VPS50: variants seen among roughly 807,000 people sequenced by gnomAD.
VPS50 encodes VPS50 subunit of EARP/GARPII complex, also known as syndetin.
VPS50 carries 70 observed loss-of-function variants against 139.7 expected under a neutral mutation model. That is an observed-to-expected ratio of 0.50 (90% confidence interval 0.41 to 0.61). The LOEUF (loss-of-function observed/expected upper bound fraction) is 0.61, where lower values mean the gene tolerates loss of function less well. Among genes scored for constraint, VPS50 ranks in the 20% least tolerant of loss-of-function variants. The pLI, the probability that VPS50 is intolerant of heterozygous loss-of-function variation, is 0.00. For synonymous variants in VPS50, 365 were observed against 376.7 expected (o/e 0.97, Z 0.36); for missense variants, 921 against 1,133.7 (o/e 0.81, Z 2.69).
chr7:93,260,225 G>C (rs888972845), intron 9 of VPS50, among the ~76,000 whole-genome samples: 2 of 152,062 alleles, frequency 1.3e-5, no homozygotes, highest in African/African-American at 4.8e-5. Context: ...ATAGCATTTT[G>C]GTTTGCTTAA....
At chr7:93,246,872 T>C (rs1474232004) in intron 2 of VPS50, among the ~76,000 whole-genome samples, 1 of 151,934 alleles carries the variant, frequency 6.6e-6, no homozygotes, top group Non-Finnish European at 1.5e-5. Flanking sequence ...ACTGGGAATG[T>C]ATCATAATAC....
At chr7:93,315,859 CTACTT>C (rs1489312803) in intron 20 of VPS50, among the ~76,000 whole-genome samples, 1 of 146,250 alleles carries the variant, frequency 6.8e-6, no homozygotes, top group Non-Finnish European at 1.5e-5. Flanking sequence ...TTTTGAGTCA[CTACTT>C]TGTTTCTGGC....
intron 17 of VPS50, among the ~76,000 whole-genome samples, 168 bp from the exon 18 acceptor site, chr7:93,305,660 G>A (rs1286193556): frequency 6.6e-6 from 1 of 151,824 alleles, no homozygotes. Flanking sequence ...CTTTAGATGT[G>A]TATTTCCAAG....
chr7:93,247,762 A>T (rs1339295445), intron 2 of VPS50, among the ~76,000 whole-genome samples: 1 of 152,036 alleles, frequency 6.6e-6, no homozygotes, highest in Non-Finnish European at 1.5e-5. Flanking sequence ...TTGTTAAATG[A>T]AATTTGTTTT....
At chr7:93,300,249 T>C (rs1352984511) in intron 16 of VPS50, among the ~76,000 whole-genome samples, 1 of 152,162 alleles carries the variant, frequency 6.6e-6, no homozygotes, top group Admixed American at 6.5e-5. Flanking sequence ...GGCCTGCTGA[T>C]GTCACTGGTA....
chr7:93,341,884 T>C (rs1584487268), intron 23 of VPS50, among the ~76,000 whole-genome samples: 1 of 152,232 alleles, frequency 6.6e-6, no homozygotes, highest in African/African-American at 2.4e-5. Context: ...TGATGACTTA[T>C]GATCTCAGGA....
At chr7:93,334,842 C>CT (rs1383641553) in intron 22 of VPS50, among the ~76,000 whole-genome samples, 1 of 152,108 alleles carries the variant, frequency 6.6e-6, no homozygotes, top group Admixed American at 6.5e-5. Context: ...ATGAGAAAAT[C>CT]TTTTTTTCTT....
chr7:93,304,799 C>T (rs1318694275), intron 17 of VPS50, among the ~76,000 whole-genome samples: 2 of 151,760 alleles, frequency 1.3e-5, no homozygotes, highest in Non-Finnish European at 3.0e-5. Context: ...GTTCACCTGA[C>T]ATGCATTCAT....
chr7:93,236,362 G>C (rs1794800260), intron 1 of VPS50, among the ~76,000 whole-genome samples: 2 of 152,168 alleles, frequency 1.3e-5, no homozygotes, highest in South Asian at 4.1e-4. Context: ...ACACTCTTGA[G>C]TTTTGCCGAA....
chr7:93,281,975 C>A (rs936305139), intron 12 of VPS50, among the ~76,000 whole-genome samples: 2 of 152,052 alleles, frequency 1.3e-5, no homozygotes, highest in Non-Finnish European at 2.9e-5. Context: ...GAGGCTGAGG[C>A]GGGTGGATCA....
At chr7:93,353,784 A>T (rs1798623406) in intron 26 of VPS50, 23 bp downstream of exon 26, 1 of 1,575,648 alleles carries the variant, frequency 6.3e-7, no homozygotes, top group East Asian at 2.2e-5. Context: ...TGAAAGCATT[A>T]TTTGTTTCTT....
intron 16 of VPS50, among the ~76,000 whole-genome samples, chr7:93,303,231 TA>T (rs1039440742): frequency 6.8e-4 from 104 of 152,028 alleles, no homozygotes; most frequent in African/African-American, 2.3e-3. Flanking sequence ...ATAGTAAAAA[TA>T]CTTAGTTTAG....
At chr7:93,269,931 A>C (rs1795954962) in intron 9 of VPS50, among the ~76,000 whole-genome samples, 1 of 152,066 alleles carries the variant, frequency 6.6e-6, no homozygotes, top group Non-Finnish European at 1.5e-5. Flanking sequence ...GTTTATTATC[A>C]GTAGATAGCA....
intron 22 of VPS50, among the ~76,000 whole-genome samples, chr7:93,335,272 G>C (rs1414660287): frequency 6.6e-6 from 1 of 152,208 alleles, no homozygotes; most frequent in East Asian, 1.9e-4. Flanking sequence ...TGAATAATGT[G>C]AGTGAGGCAT....
At position 93,264,283 on chromosome 7, in the gene VPS50, A is replaced by G. The variant is rs538381141; in HGVS notation, c.659+4651A>G. Among the ~76,000 whole-genome samples, 210 of 152,278 alleles carry G rather than the reference A, an allele frequency of 1.4e-3. 1 individual carries two copies. Among genetic ancestry groups the G allele is most frequent in the African/African-American group, 4.2e-3 (174 of 41,568 alleles). On this transcript the variant is annotated intron_variant, in intron 9 of 27. Coordinates refer to ENST00000305866, the MANE Select transcript of VPS50 (RefSeq NM_017667.4). ...TGAGAGAACATTTTTACATTGTTTG[A>G]TATTTCCTGAGTTGATTGACAGAGA... is the stretch of plus-strand genomic sequence containing the variant.
chr7:93,311,214 A>AAAT lies in VPS50; in HGVS notation c.1800_1802dup (p.Asn600dup). ...GCAGGAAGAAATCAGATTACAGTCTAAATAAAGTGAATGCACCTATCTTAA... is the reference window on the plus strand; with the variant it reads ...GCAGGAAGAAATCAGATTACAGTCTAAATAATAAAGTGAATGCACCTATCTTAA... On this transcript the variant is annotated inframe_insertion, in exon 20 of 28. Transcript: ENST00000305866. 7.0e-7 allele frequency: 1 copy of AAAT among 1,436,868 alleles called. No homozygotes were observed. The highest frequency in any genetic ancestry group is 9.8e-7 in the Non-Finnish European group (1 of 1,018,542). 89.0% of individuals were successfully genotyped at this position (1,436,868 alleles called of 1,614,324 possible).
At chr7:93,265,789 A>G (rs922083051) in intron 9 of VPS50, among the ~76,000 whole-genome samples, 1 of 151,662 alleles carries the variant, frequency 6.6e-6, no homozygotes, top group African/African-American at 2.4e-5. Context: ...CTGGTCTCAA[A>G]CTCCTGACCT....
rs539075844 is a variant in VPS50 at position 93,298,807 on chromosome 7, T to C, written c.1361+1564T>C. 4.6e-5 allele frequency among the ~76,000 whole-genome samples: 7 copies of C among 152,366 alleles called. No individual in the cohort carries two copies. The South Asian group carries it at 8.3e-4, about 18-fold the overall frequency. On this transcript the variant is annotated intron_variant, in intron 16 of 27. Coordinates refer to ENST00000305866, the MANE Select transcript of VPS50 (RefSeq NM_017667.4). ...CTCTTAGAAACATTTGTGAAACTTA[T>C]TTCTCATTGATGTGGCTGTGCTATA...
At chr7:93,322,083 G>A (rs1562886461) in intron 20 of VPS50, among the ~76,000 whole-genome samples, 2 of 101,410 alleles carry the variant, frequency 2.0e-5, no homozygotes, top group East Asian at 3.1e-4. Flanking sequence ...TTTTAAAATA[G>A]GAATAAGAAT....
Sources: allele counts gnomAD v4.1 joint callset (sites outside exome capture counted in the v4.1 genomes callset), GRCh38; gene constraint gnomAD v4.1.1; transcripts MANE v1.5; gene names NCBI Gene and HGNC (gene_info 2026-07-23, HGNC 2026-07-21).